Variants in POLDIP2 observed in about 807,000 individuals in gnomAD.
POLDIP2 encodes DNA polymerase delta interacting protein 2, also known as polymerase delta-interacting protein 2.
POLDIP2 carries 32 observed loss-of-function variants against 52.9 expected under a neutral mutation model. That is an observed-to-expected ratio of 0.61 (90% CI 0.46 to 0.81). The LOEUF (loss-of-function observed/expected upper bound fraction) is 0.81. POLDIP2 is among the 40% of genes least tolerant of loss of function. The pLI, the probability that POLDIP2 is intolerant of heterozygous loss-of-function variation, is 0.00. For missense variants in POLDIP2, 371 were observed against 477.3 expected (o/e 0.78, Z 2.07); for synonymous variants, 183 against 183.0 (o/e 1.00, Z 0.00).
intron 6 of POLDIP2, among the ~76,000 whole-genome samples, chr17:28,352,448 C>T (rs1298892507): frequency 3.3e-5 from 5 of 150,752 alleles, no homozygotes; most frequent in African/African-American, 4.9e-5. Flanking sequence ...ACATTGGCCA[C>T]GATGGTCTTG....
At position 28,350,795 on chromosome 17, in the gene POLDIP2, A is replaced by G. The variant is rs1407147799; in HGVS notation, c.760-3T>C. 1.3e-6 allele frequency: 2 copies of G among 1,585,214 alleles called. No homozygotes were observed. Among genetic ancestry groups the G allele is most frequent in the African/African-American group, 1.4e-5 (1 of 73,940 alleles). ...TACACGTGGGAATTCTGGGCTTCCT[A>G]GGGAGAAAACAAAAAGAATTTAAGT... On this transcript the variant is annotated splice_region_variant and splice_polypyrimidine_tract_variant and intron_variant, in intron 7 of 10. Transcript: ENST00000540200.
rs2027992 is a variant in POLDIP2, at chr17:28,355,512, T to C, written c.243+283A>G. Among the ~76,000 whole-genome samples the C allele has an allele frequency of 6.8e-3, 1,039 of 151,964 alleles. 15 individuals carry two copies. Among genetic ancestry groups the C allele is most frequent in the African/African-American group, 0.024 (991 of 41,428 alleles). On this transcript the variant is annotated intron_variant, in intron 2 of 10. Coordinates refer to ENST00000540200, the MANE Select transcript of POLDIP2 (RefSeq NM_015584.5). ...ATCCCAGCTACTAGGGAGGCTGAGG[T>C]AGGAGAACTGCTTAAACCCAGGAGG...
chr17:28,357,235 C>A, intron 1 of POLDIP2, 53 bp downstream of exon 1: 1 of 1,472,156 alleles, frequency 6.8e-7, no homozygotes, highest in Non-Finnish European at 8.9e-7. Context: ...GCTAGGAACA[C>A]GCTCTCTGGG....
intron 9 of POLDIP2, 63 bp downstream of exon 9, chr17:28,350,375 G>C (rs1330977887): frequency 2.8e-6 from 4 of 1,443,584 alleles, no homozygotes; most frequent in Admixed American, 2.3e-5. Context: ...GGAGAAGGAA[G>C]CCATGCGCTA....
Position 28,357,440 on chromosome 17 carries a change from G to C in POLDIP2, c.9C>G (p.Ala3=). The C allele has an allele frequency of 6.8e-7, 1 of 1,474,668 alleles. No individual in the cohort carries two copies. The highest frequency in any genetic ancestry group is 8.9e-7 in the Non-Finnish European group (1 of 1,125,482). 91.3% of individuals were successfully genotyped at this position (1,474,668 alleles called of 1,614,324 possible). Residue 3 remains alanine (A), a synonymous_variant, in exon 1 of 11, where the codon GCC becomes GCG. Transcript: ENST00000540200. ...CGGCCAGGGCCCGCCGGGCTGTACA[G>C]GCTGCCATGTCCCGCCCGAGCGCCC... The part of the protein sequence containing the change: MA[A]CTARRALAVG...
At chr17:28,353,521 A>AG in intron 4 of POLDIP2, among the ~76,000 whole-genome samples, 174 bp downstream of exon 4, 1 of 46,388 alleles carries the variant, frequency 2.2e-5, no homozygotes. Flanking sequence ...ACTCCATATC[A>AG]AAAAAAAAAA....
Position 28,351,649 on chromosome 17 carries a change from A to G in POLDIP2, c.759+15T>C. ...GGCCTACCCCTGCTAGAAGGGGTCCAGGCTGGCCACATACCCTCATGCCCA... is the reference window on the plus strand; with the variant it reads ...GGCCTACCCCTGCTAGAAGGGGTCCGGGCTGGCCACATACCCTCATGCCCA... On this transcript the variant is annotated intron_variant, in intron 7 of 10. Coordinates refer to ENST00000540200, the MANE Select transcript of POLDIP2 (RefSeq NM_015584.5). 1.9e-6 allele frequency: 3 copies of G among 1,613,028 alleles called. No individual in the cohort carries two copies. Among genetic ancestry groups the G allele is most frequent in the Non-Finnish European group, 2.5e-6 (3 of 1,179,414 alleles).
At chr17:28,356,245 T>A (rs1255606766) in intron 1 of POLDIP2, among the ~76,000 whole-genome samples, 2 of 152,034 alleles carry the variant, frequency 1.3e-5, no homozygotes, top group African/African-American at 4.8e-5. Context: ...AAGGGGAGTA[T>A]CTTTTTTTCT....
chr17:28,349,732 C>T (rs1222687750), intron 9 of POLDIP2, among the ~76,000 whole-genome samples: 2 of 152,170 alleles, frequency 1.3e-5, no homozygotes, highest in African/African-American at 2.4e-5. Flanking sequence ...CTTTAATTCT[C>T]CTAATGATCA....
At chr17:28,350,724 C>A (rs1290466901) in intron 8 of POLDIP2, 42 bp downstream of exon 8, 47 of 1,591,004 alleles carry the variant, frequency 3.0e-5, no homozygotes, top group Non-Finnish European at 4.0e-5. Context: ...GACCCCCAGG[C>A]ACACCCCACA....
intron 2 of POLDIP2, among the ~76,000 whole-genome samples, chr17:28,355,548 A>C (rs1313326707): frequency 1.3e-5 from 2 of 152,222 alleles, no homozygotes; most frequent in African/African-American, 4.8e-5. Flanking sequence ...TGGAGCTTGC[A>C]GTGAGCCGAG....
At chr17:28,352,211 G>A in intron 6 of POLDIP2, among the ~76,000 whole-genome samples, 1 of 148,626 alleles carries the variant, frequency 6.7e-6, no homozygotes, top group Non-Finnish European at 1.5e-5. Context: ...GAAAAGGGTT[G>A]TGGAAATAGA....
At chr17:28,353,079 G>T in intron 5 of POLDIP2, 60 bp from the exon 6 acceptor site, 1 of 783,758 alleles carries the variant, frequency 1.3e-6, no homozygotes, top group Non-Finnish European at 2.3e-6. Context: ...AGATGGGGTT[G>T]AGAAGAAACA....
intron 7 of POLDIP2, among the ~76,000 whole-genome samples, chr17:28,351,017 CACCAACAGAGCTGGAT>C (rs1758090684): frequency 6.6e-6 from 1 of 152,138 alleles, no homozygotes; most frequent in African/African-American, 2.4e-5. Context: ...CCTTCAAGAT[CACCAACAGAGCTGGAT>C]GCCAACAGAA....
At chr17:28,357,085 A>C (rs1405182218) in intron 1 of POLDIP2, among the ~76,000 whole-genome samples, 1 of 152,204 alleles carries the variant, frequency 6.6e-6, no homozygotes, top group Non-Finnish European at 1.5e-5. Flanking sequence ...AGCCCTGTAC[A>C]ACCAGGGCTC....
chr17:28,356,702 A>G (rs1908050621), intron 1 of POLDIP2, among the ~76,000 whole-genome samples: 1 of 152,108 alleles, frequency 6.6e-6, no homozygotes, highest in African/African-American at 2.4e-5. Context: ...GGCTGTTTTT[A>G]CTGTTTTGAA....
At position 28,353,703 on chromosome 17, in the gene POLDIP2, G is replaced by A; in HGVS notation, c.430C>T (p.Pro144Ser). 1.2e-6 allele frequency: 2 copies of A among 1,609,436 alleles called. No homozygotes were observed. Among genetic ancestry groups the A allele is most frequent in the Non-Finnish European group, 1.7e-6 (2 of 1,176,306 alleles). Residue 144 changes from proline to serine, a missense_variant, in exon 4 of 11, where the codon CCA (proline) becomes TCA (serine). Physicochemically the swap from Pro to Ser is moderately conservative, Grantham distance 74 (BLOSUM62 -1). Coordinates refer to ENST00000540200, the MANE Select transcript of POLDIP2 (RefSeq NM_015584.5). ...CCATCTTGCTTACTTACTATATGTGGGCAGTCACGAGCATCAATCAGCACC... is the reference window on the plus strand; with the variant it reads ...CCATCTTGCTTACTTACTATATGTGAGCAGTCACGAGCATCAATCAGCACC... Reference protein sequence around the residue: ...YQVLIDARDCPHISQRSQTEA... With the variant: ...YQVLIDARDCSHISQRSQTEA...
intron 6 of POLDIP2, among the ~76,000 whole-genome samples, chr17:28,352,527 G>C (rs374090771): frequency 8.4e-6 from 1 of 119,614 alleles, no homozygotes; most frequent in Admixed American, 8.8e-5. Flanking sequence ...TGAGCCACAA[G>C]CACCCGGGCC....
chr17:28,353,265 T>G lies in POLDIP2; in HGVS notation c.490A>C (p.Ser164Arg), dbSNP rs1223841231. 1.3e-6 allele frequency: 2 copies of G among 1,592,762 alleles called. No homozygotes were observed. The highest frequency in any genetic ancestry group is 1.7e-6 in the Non-Finnish European group (2 of 1,162,554). The change falls in exon 5 of 11, where the codon AGT (serine) becomes CGT (arginine). Residue 164 changes from serine (S) to arginine (R), a missense_variant. Physicochemically the swap from Ser to Arg is moderately radical, Grantham distance 110. Coordinates refer to ENST00000540200, the MANE Select transcript of POLDIP2 (RefSeq NM_015584.5). ...CCTGGGATGGCATAGAGGGCCCGAC[T>G]GTCATCATGGTTAGCCAAGAAGGTC... ...AVTFLANHDDSRALYAIPGLD... is the reference protein window; with the variant it reads ...AVTFLANHDDRRALYAIPGLD...
Sources: gnomAD v4.1 joint callset for allele counts (sites outside exome capture counted in the v4.1 genomes callset) on GRCh38, gnomAD v4.1.1 for gene constraint, MANE v1.5 for transcripts, NCBI Gene and HGNC (gene_info 2026-07-23, HGNC 2026-07-21) for gene names.